Variants in CNOT10 observed in about 807,000 individuals in gnomAD.
The protein encoded by CNOT10 is CCR4-NOT transcription complex subunit 10.
A neutral mutation model predicts 94.6 loss-of-function variants in CNOT10; 30 were observed. The ratio of observed to expected loss-of-function variants is 0.32; its 90% CI spans 0.24 to 0.43. The LOEUF (loss-of-function observed/expected upper bound fraction) is 0.43, where lower values mean the gene tolerates loss of function less well. Among genes scored for constraint, CNOT10 ranks in the 20% least tolerant of loss-of-function variants. The pLI, the probability that CNOT10 is intolerant of heterozygous loss-of-function variation, is 1.00. For synonymous variants in CNOT10, 289 were observed against 301.6 expected (o/e 0.96, Z 0.43); for missense variants, 759 against 877.2 (o/e 0.87, Z 1.70).
intron 14 of CNOT10, among the ~76,000 whole-genome samples, chr3:32,762,121 T>G (rs1017937790): frequency 1.3e-5 from 2 of 148,554 alleles, no homozygotes; most frequent in African/African-American, 2.5e-5. Context: ...GTTGTTCTTG[T>G]GTAGAAAGTC....
intron 11 of CNOT10, 34 bp from the exon 12 acceptor site, chr3:32,734,766 A>G (rs960645882): frequency 2.0e-6 from 3 of 1,499,722 alleles, no homozygotes; most frequent in South Asian, 1.3e-5. Flanking sequence ...AAAATATTTT[A>G]TCCACTTAGC....
chr3:32,719,784 A>C (rs1437146990), intron 7 of CNOT10, among the ~76,000 whole-genome samples: 1 of 152,216 alleles, frequency 6.6e-6, no homozygotes, highest in African/African-American at 2.4e-5. Flanking sequence ...AAAATGAAGG[A>C]CATAGATTGT....
At chr3:32,771,338 C>G (rs544522640) in intron 18 of CNOT10, among the ~76,000 whole-genome samples, 1 of 150,654 alleles carries the variant, frequency 6.6e-6, no homozygotes, top group African/African-American at 2.4e-5. Flanking sequence ...CAGTGGCTCA[C>G]GCCTATAATC....
Position 32,711,297 on chromosome 3 carries a change from C to A in CNOT10, c.431-1930C>A, listed in dbSNP as rs1183316364. On this transcript the variant is annotated intron_variant, in intron 4 of 18. Coordinates refer to ENST00000328834, the MANE Select transcript of CNOT10 (RefSeq NM_015442.3). ...AAATGGTGTAGTATTTACATACAGT[C>A]TCTGTGTATGTCCTCCTGTACATTT... Among the ~76,000 whole-genome samples, 3 of 152,146 alleles carry A rather than the reference C, an allele frequency of 2.0e-5. No individual in the cohort carries two copies. In the East Asian group the frequency reaches 5.8e-4, roughly 29 times the overall value.
intron 13 of CNOT10, among the ~76,000 whole-genome samples, chr3:32,741,883 TTTC>T (rs1250901268): frequency 1.3e-5 from 2 of 151,976 alleles, no homozygotes; most frequent in Non-Finnish European, 1.5e-5. Flanking sequence ...TACCACAATA[TTTC>T]TTATTTTCTT....
intron 7 of CNOT10, among the ~76,000 whole-genome samples, chr3:32,717,999 C>T (rs985730319): frequency 2.0e-4 from 31 of 152,168 alleles, no homozygotes; most frequent in African/African-American, 6.8e-4. Flanking sequence ...TTCTTCCTTC[C>T]ACTCCCTCCA....
rs756651162 is a variant in CNOT10, at chr3:32,704,995, T to C, written c.279+23T>C. 3 of 1,409,510 alleles carry C rather than the reference T, an allele frequency of 2.1e-6. No individual in the cohort carries two copies. The African/African-American group carries it at 4.5e-5, about 21-fold the overall frequency. 87.3% of individuals were successfully genotyped at this position (1,409,510 alleles called of 1,614,324 possible). On this transcript the variant is annotated intron_variant, in intron 3 of 18. Coordinates refer to ENST00000328834, the MANE Select transcript of CNOT10 (RefSeq NM_015442.3). ...CAGGTGATACATAAATGAATTTAAC[T>C]ATAAAAAATATTGTTCTGTTCTTTA...
In CNOT10 at chr3:32,733,561, GA is replaced by G; in HGVS notation, c.1337+22del. On this transcript the variant is annotated intron_variant, in intron 11 of 18. Coordinates refer to ENST00000328834, the MANE Select transcript of CNOT10 (RefSeq NM_015442.3). ...TGTTTATAAGTAAGTATTTTGCAAA[GA>G]AAAAGTGTATATATATTTAATACTA... 6.8e-7 allele frequency: 1 copy of G among 1,466,130 alleles called. No homozygotes were observed. The highest frequency in any genetic ancestry group is 9.3e-7 in the Non-Finnish European group (1 of 1,076,462). 90.8% of individuals were successfully genotyped at this position (1,466,130 alleles called of 1,614,324 possible).
chr3:32,773,151 A>G (rs1365534994), intron 18 of CNOT10, among the ~76,000 whole-genome samples: 1 of 152,136 alleles, frequency 6.6e-6, no homozygotes, highest in Non-Finnish European at 1.5e-5. Flanking sequence ...ACAGGCATGA[A>G]CCAACCCTCC....
chr3:32,761,144 A>G (rs1056151281), intron 14 of CNOT10, among the ~76,000 whole-genome samples: 127 of 152,224 alleles, frequency 8.3e-4, no homozygotes, highest in African/African-American at 2.9e-3. Context: ...AAAGTAATAA[A>G]TCATTCAACT....
chr3:32,733,606 A>G (rs888036323), intron 11 of CNOT10, 62 bp downstream of exon 11: 10 of 1,131,342 alleles, frequency 8.8e-6, no homozygotes, highest in African/African-American at 4.8e-5. Flanking sequence ...AATGTTACTT[A>G]TATATAAAAG....
intron 9 of CNOT10, among the ~76,000 whole-genome samples, chr3:32,726,202 C>T (rs1698658048): frequency 6.6e-6 from 1 of 152,166 alleles, no homozygotes; most frequent in South Asian, 2.1e-4. Flanking sequence ...CCTCAGTCTT[C>T]CAAGGTGCTG....
intron 13 of CNOT10, chr3:32,753,678 G>T: frequency 1.3e-6 from 2 of 1,580,736 alleles, no homozygotes. Flanking sequence ...ATAAATTAGT[G>T]GGTAAAATCA....
chr3:32,754,489 A>ATATATATATATATAT (rs1553637887), intron 13 of CNOT10, among the ~76,000 whole-genome samples: 1 of 70,200 alleles, frequency 1.4e-5, no homozygotes, highest in African/African-American at 7.7e-5. Flanking sequence ...AAAAAAAAAA[A>ATATATATATATATAT]ATACATATAT....
At chr3:32,699,709 G>C (rs1697244475) in intron 1 of CNOT10, among the ~76,000 whole-genome samples, 1 of 152,144 alleles carries the variant, frequency 6.6e-6, no homozygotes, top group Non-Finnish European at 1.5e-5. Context: ...GCACCATACT[G>C]GGGGAGCATT....
intron 1 of CNOT10, among the ~76,000 whole-genome samples, chr3:32,698,611 T>C (rs7612101): frequency 0.061 from 9,297 of 152,270 alleles, 329 homozygotes; most frequent in African/African-American, 0.09. Context: ...TTAGCATCTC[T>C]AATTAAAAAC....
rs1330007432 is a variant in CNOT10, at chr3:32,685,292, C to A, written c.-169C>A. On this transcript the variant is annotated 5_prime_UTR_variant, in exon 1 of 19. Transcript: ENST00000328834. ...TGTTGCTAGACGACGGGAACTAGCT[C>A]TCGTCACTTCCTCAGCCCGCCGTCT... 1 of 654,312 alleles carries A rather than the reference C, an allele frequency of 1.5e-6. No individual in the cohort carries two copies. The highest frequency in any genetic ancestry group is 2.6e-6 in the Non-Finnish European group (1 of 379,568). 40.5% of individuals were successfully genotyped at this position (654,312 alleles called of 1,614,324 possible).
At chr3:32,733,648 A>G (rs538453751) in intron 11 of CNOT10, 104 bp downstream of exon 11, 8 of 708,198 alleles carry the variant, frequency 1.1e-5, no homozygotes, top group East Asian at 3.3e-5. Context: ...CATAGGAGGA[A>G]CCACTTTGTA....
intron 10 of CNOT10, among the ~76,000 whole-genome samples, chr3:32,732,863 T>C (rs778992236): frequency 6.6e-6 from 1 of 152,250 alleles, no homozygotes; most frequent in Non-Finnish European, 1.5e-5. Context: ...GCTTTTATTA[T>C]TTTCAGTTTA....
Sources: gnomAD v4.1 joint callset for allele counts (sites outside exome capture counted in the v4.1 genomes callset) on GRCh38, gnomAD v4.1.1 for gene constraint, MANE v1.5 for transcripts, NCBI Gene and HGNC (gene_info 2026-07-23, HGNC 2026-07-21) for gene names.